ZGRF1: variants seen among roughly 807,000 people sequenced by gnomAD.
ZGRF1 encodes 5'-3' DNA helicase ZGRF1.
Under a neutral mutation model 203.5 loss-of-function variants are expected in ZGRF1, and 196 were observed. The ratio of observed to expected loss-of-function variants is 0.96; its 90% CI spans 0.86 to 1.08. ZGRF1 has a LOEUF of 1.08. Ranked by LOEUF, ZGRF1 falls within the 50% of genes least tolerant of loss-of-function variation. ZGRF1 has a pLI of 0.00. For synonymous variants in ZGRF1, 809 were observed against 841.3 expected (o/e 0.96, Z 0.66); for missense variants, 2,326 against 2,416.3 (o/e 0.96, Z 0.78).
At position 112,618,736 on chromosome 4, in the gene ZGRF1, C is replaced by T; in HGVS notation, c.1306G>A (p.Asp436Asn). The change falls in exon 6 of 28, where the codon GAT becomes AAT. Residue 436 changes from aspartate (D) to asparagine (N), a missense_variant. Transcript: ENST00000505019. Reference protein sequence around the residue: ...GILSESDIQEDNKIPFNQNDK... With the variant: ...GILSESDIQENNKIPFNQNDK... Reference sequence around the variant, plus strand: ...TTTTGATTAAAAGGTATTTTATTATCTTCTTGAATGTCAGATTCTGATAAT... The same window carrying T: ...TTTTGATTAAAAGGTATTTTATTATTTTCTTGAATGTCAGATTCTGATAAT... The T allele has an allele frequency of 6.2e-7, 1 of 1,610,486 alleles. No homozygotes were observed. The highest frequency in any genetic ancestry group is 8.5e-7 in the Non-Finnish European group (1 of 1,178,800).
intron 16 of ZGRF1, among the ~76,000 whole-genome samples, chr4:112,577,186 T>C (rs113897226): frequency 0.019 from 2,306 of 121,960 alleles, 601 homozygotes; most frequent in South Asian, 0.061. Context: ...CTAAGCTTCA[T>C]AAGTGAAGGA....
chr4:112,575,279 G>T (rs1163228347), intron 16 of ZGRF1, among the ~76,000 whole-genome samples: 1 of 152,004 alleles, frequency 6.6e-6, no homozygotes, highest in East Asian at 1.9e-4. Flanking sequence ...TTTTAAAAAG[G>T]CCTAACATTT....
intron 16 of ZGRF1, among the ~76,000 whole-genome samples, chr4:112,577,571 G>A (rs1482272998): frequency 8.2e-6 from 1 of 122,394 alleles, no homozygotes; most frequent in African/African-American, 2.8e-5. Context: ...TCAAAATAAA[G>A]AGATGGAGGA....
intron 3 of ZGRF1, among the ~76,000 whole-genome samples, chr4:112,625,783 T>G (rs1182501017): frequency 6.6e-6 from 1 of 150,752 alleles, no homozygotes; most frequent in Non-Finnish European, 1.5e-5. Flanking sequence ...TAATCCCAGC[T>G]ACTCAGGAGG....
intron 9 of ZGRF1, chr4:112,605,614 T>C (rs557821330): frequency 6.0e-6 from 1 of 166,292 alleles, no homozygotes; most frequent in African/African-American, 2.4e-5. Flanking sequence ...TACTTAGATG[T>C]TGGTTACGTA....
chr4:112,559,315 C>A lies in ZGRF1; in HGVS notation c.4961-1006G>T, dbSNP rs372326656. Among the ~76,000 whole-genome samples the A allele has an allele frequency of 5.3e-5, 8 of 152,278 alleles. No homozygotes were observed. In the East Asian group the frequency reaches 1.2e-3, roughly 22 times the overall value. ...CCAGGCTCAAGCCATCCTCCCACCA[C>A]AACCTCCAAAGTAGCTGGGACTACA... On this transcript the variant is annotated intron_variant, in intron 19 of 27. Coordinates refer to ENST00000505019, the MANE Select transcript of ZGRF1 (RefSeq NM_018392.5).
chr4:112,549,733 C>G (rs1739542848), intron 22 of ZGRF1, among the ~76,000 whole-genome samples: 2 of 151,824 alleles, frequency 1.3e-5, no homozygotes, highest in African/African-American at 4.8e-5. Flanking sequence ...TATACATTTA[C>G]TATAGTATAC....
intron 16 of ZGRF1, among the ~76,000 whole-genome samples, chr4:112,568,711 CAAAA>C (rs76531414): frequency 1.2e-4 from 5 of 42,846 alleles, no homozygotes; most frequent in South Asian, 9.9e-4. Context: ...AACTCTGTCT[CAAAA>C]AAAAAAAAAA....
chr4:112,562,599 T>A (rs1742210723), intron 17 of ZGRF1, 114 bp from the exon 18 acceptor site: 1 of 658,910 alleles, frequency 1.5e-6, no homozygotes, highest in Non-Finnish European at 2.7e-6. Context: ...GCACATGACA[T>A]AAAACAAACC....
chr4:112,558,075 C>T (rs1390534418), intron 20 of ZGRF1, 75 bp downstream of exon 20: 1 of 1,201,202 alleles, frequency 8.3e-7, no homozygotes, highest in Non-Finnish European at 1.2e-6. Flanking sequence ...CATGGACACT[C>T]AGGGCCCATA....
chr4:112,584,329 A>G (rs1746795340), intron 14 of ZGRF1, among the ~76,000 whole-genome samples, 155 bp from the exon 15 acceptor site: 1 of 152,204 alleles, frequency 6.6e-6, no homozygotes, highest in African/African-American at 2.4e-5. Flanking sequence ...ATTAATTTAA[A>G]ATTTAAAACC....
intron 10 of ZGRF1, among the ~76,000 whole-genome samples, chr4:112,597,127 T>G (rs557873534): frequency 3.4e-5 from 5 of 147,182 alleles, no homozygotes; most frequent in African/African-American, 1.3e-4. Flanking sequence ...GGCAGAATAA[T>G]CACTTGAACC....
intron 7 of ZGRF1, among the ~76,000 whole-genome samples, chr4:112,611,392 G>A (rs1371982812): frequency 6.6e-6 from 1 of 152,124 alleles, no homozygotes; most frequent in Non-Finnish European, 1.5e-5. Context: ...GAAAGAGAGA[G>A]ACTCCATCTC....
intron 10 of ZGRF1, 94 bp downstream of exon 10, chr4:112,603,430 T>C (rs1750274287): frequency 2.5e-6 from 2 of 799,840 alleles, no homozygotes; most frequent in Non-Finnish European, 3.9e-6. Context: ...CTTTTTAACT[T>C]ATAACTGTAT....
rs141741447 is a variant in ZGRF1 at position 112,542,880 on chromosome 4, G to A, written c.5599-1612C>T. On this transcript the variant is annotated intron_variant, in intron 24 of 27. Transcript: ENST00000505019. The stretch of plus-strand genomic sequence containing the variant: ...GCTCTGTTGCCCAGGCTGGAATGCA[G>A]TGGTGAGATCATAACTCACTGCAGC... 5.3e-3 allele frequency among the ~76,000 whole-genome samples: 795 copies of A among 150,438 alleles called. 11 individuals are homozygous for A. Among genetic ancestry groups the A allele is most frequent in the African/African-American group, 0.017 (708 of 40,904 alleles).
In ZGRF1 at chr4:112,619,325, T is replaced by C. The variant is rs1488283992; in HGVS notation, c.717A>G (p.Ala239=). ...TNEPVKRDSL[A]SHYSGVSQNI... is the part of the protein sequence containing the mutation. ...TTTGTGAAACTCCTGAATAGTGAGA[T>C]GCCAAACTATCTCTTTTCACAGGCT... The change falls in exon 6 of 28, where the codon GCA becomes GCG. Residue 239 remains alanine, a synonymous_variant. Transcript: ENST00000505019. 9 of 1,612,660 alleles carry C rather than the reference T, an allele frequency of 5.6e-6. No homozygotes were observed. Among genetic ancestry groups the C allele is most frequent in the Non-Finnish European group, 7.6e-6 (9 of 1,179,412 alleles).
chr4:112,620,267 A>G (rs933982335), intron 4 of ZGRF1, 77 bp from the exon 5 acceptor site: 18 of 1,067,512 alleles, frequency 1.7e-5, no homozygotes, highest in Middle Eastern at 3.0e-4. Context: ...CACTAGCACT[A>G]AGACACAATG....
At chr4:112,543,056 TCTTTTA>T (rs1238373668) in intron 24 of ZGRF1, among the ~76,000 whole-genome samples, 1 of 152,210 alleles carries the variant, frequency 6.6e-6, no homozygotes. Context: ...TACTTTTATT[TCTTTTA>T]CTTTTAATAA....
intron 16 of ZGRF1, chr4:112,564,950 C>G: frequency 2.5e-6 from 2 of 797,842 alleles, no homozygotes; most frequent in Non-Finnish European, 4.5e-6. Context: ...AAGCTCCAGC[C>G]GAAGGAGAAA....
Sources: gnomAD v4.1 joint callset for allele counts (sites outside exome capture counted in the v4.1 genomes callset) on GRCh38, gnomAD v4.1.1 for gene constraint, MANE v1.5 for transcripts, NCBI Gene and HGNC (gene_info 2026-07-23, HGNC 2026-07-21) for gene names.